The following NCOA2 variants were observed in gnomAD, a reference collection of about 807,000 sequenced individuals.
NCOA2 encodes the protein class E basic helix-loop-helix protein 75.
A neutral mutation model predicts 145.1 loss-of-function variants in NCOA2; 21 were observed. The observed-to-expected ratio is 0.14, with a 90% CI of 0.10 to 0.21. The LOEUF is 0.21. Among genes scored for constraint, NCOA2 ranks in the 10% least tolerant of loss-of-function variants. The pLI is 1.00. For synonymous variants in NCOA2, 619 were observed against 637.5 expected (o/e 0.97, Z 0.44); for missense variants, 1,472 against 1,837.6 (o/e 0.80, Z 3.64).
chr8:70,329,439 T>C (rs1245684180), intron 1 of NCOA2, among the ~76,000 whole-genome samples: 3 of 152,050 alleles, frequency 2.0e-5, no homozygotes, highest in African/African-American at 4.8e-5. Flanking sequence ...TTTGTAGAGA[T>C]GGAGTCTCCC....
At chr8:70,387,201 T>C (rs1408633458) in intron 1 of NCOA2, among the ~76,000 whole-genome samples, 2 of 152,224 alleles carry the variant, frequency 1.3e-5, no homozygotes, top group African/African-American at 4.8e-5. Flanking sequence ...AGTCTTGCTA[T>C]GTTGTCAGGC....
chr8:70,211,842 C>T (rs1819062057), intron 4 of NCOA2, among the ~76,000 whole-genome samples: 1 of 152,030 alleles, frequency 6.6e-6, no homozygotes, highest in Admixed American at 6.5e-5. Context: ...TTACAAAACA[C>T]GTTGCTTTTC....
chr8:70,211,251 G>C (rs961204025), intron 4 of NCOA2, among the ~76,000 whole-genome samples: 2 of 152,144 alleles, frequency 1.3e-5, no homozygotes, highest in South Asian at 4.2e-4. Context: ...ATGAGGTCAG[G>C]AGTTCGAGAC....
intron 5 of NCOA2, among the ~76,000 whole-genome samples, chr8:70,170,822 C>T (rs1435502125): frequency 6.6e-6 from 1 of 152,140 alleles, no homozygotes; most frequent in African/African-American, 2.4e-5. Flanking sequence ...CATAATTTTT[C>T]CCCAGTTTAA....
At position 70,141,129 on chromosome 8, in the gene NCOA2, CTCTTT is replaced by C. The variant is rs1461761897; in HGVS notation, c.3028+50_3028+54del. 3.9e-6 allele frequency: 6 copies of C among 1,519,190 alleles called. No homozygotes were observed. In the Admixed American group the frequency reaches 7.5e-5, roughly 19 times the overall value. 94.1% of individuals were successfully genotyped at this position (1,519,190 alleles called of 1,614,324 possible). A position where few individuals can be genotyped will look rare whatever the true frequency, so the allele number is the denominator to read the frequency against. On this transcript the variant is annotated intron_variant, in intron 14 of 22. Transcript: ENST00000452400. ...ATGTCTTGAAAGAACTTATGACGCT[CTCTTT>C]TCTAAGAGAGCATAAAAGTTAAAAG... is the stretch of plus-strand genomic sequence containing the variant.
intron 2 of NCOA2, among the ~76,000 whole-genome samples, chr8:70,221,942 T>C (rs190695225): frequency 8.6e-4 from 131 of 152,324 alleles, no homozygotes; most frequent in Non-Finnish European, 1.6e-3. Context: ...AAATTATGTA[T>C]TATTTCCTCC....
intron 1 of NCOA2, chr8:70,402,517 G>C (rs944218757): frequency 1.3e-5 from 2 of 152,282 alleles, no homozygotes; most frequent in Non-Finnish European, 2.9e-5. Flanking sequence ...TCTCGGAAGA[G>C]GCGCCTCTGG....
At chr8:70,335,990 T>C (rs1351334402) in intron 1 of NCOA2, among the ~76,000 whole-genome samples, 1 of 152,126 alleles carries the variant, frequency 6.6e-6, no homozygotes, top group Non-Finnish European at 1.5e-5. Context: ...TTTTAAGGTA[T>C]AGAAGATTTT....
rs1806478950 is a variant in NCOA2, at chr8:70,110,901, GTAATA to G, written c.*2726_*2730del. 4.5e-6 allele frequency: 1 copy of G among 220,522 alleles called. No homozygotes were observed. The highest frequency in any genetic ancestry group is 2.2e-5 in the African/African-American group (1 of 44,608). The allele number at this position is 220,522 out of a possible 1,614,324, so 13.7% of individuals were successfully genotyped here. On this transcript the variant is annotated 3_prime_UTR_variant, in exon 23 of 23. Coordinates refer to ENST00000452400, the MANE Select transcript of NCOA2 (RefSeq NM_006540.4). ...TTTCACATTATGTTTTTCACATTTA[GTAATA>G]TAAGTGAAACACTGATTATTTGTTC...
At chr8:70,391,005 T>G (rs1813150618) in intron 1 of NCOA2, among the ~76,000 whole-genome samples, 1 of 152,110 alleles carries the variant, frequency 6.6e-6, no homozygotes, top group Non-Finnish European at 1.5e-5. Flanking sequence ...TCTACCACAC[T>G]TCTAATAAGA....
chr8:70,158,788 A>G (rs1222168763), intron 10 of NCOA2, among the ~76,000 whole-genome samples: 1 of 152,094 alleles, frequency 6.6e-6, no homozygotes, highest in Non-Finnish European at 1.5e-5. Context: ...CAAAAAAACC[A>G]AACAGTTCTA....
At chr8:70,186,938 A>G (rs1816139641) in intron 4 of NCOA2, among the ~76,000 whole-genome samples, 3 of 152,258 alleles carry the variant, frequency 2.0e-5, no homozygotes, top group African/African-American at 7.2e-5. Context: ...GCATTTCATA[A>G]TGACAACAGG....
intron 12 of NCOA2, among the ~76,000 whole-genome samples, chr8:70,147,382 G>A (rs1811218823): frequency 6.6e-6 from 1 of 152,190 alleles, no homozygotes; most frequent in Non-Finnish European, 1.5e-5. Flanking sequence ...GATGTTCTAT[G>A]ATTTGACTGA....
At chr8:70,275,817 A>T (rs1825420980) in intron 2 of NCOA2, among the ~76,000 whole-genome samples, 2 of 152,230 alleles carry the variant, frequency 1.3e-5, no homozygotes, top group African/African-American at 4.8e-5. Flanking sequence ...AATTTTTAAA[A>T]GTGCACTGAA....
chr8:70,399,887 A>G (rs1563848236), intron 1 of NCOA2, among the ~76,000 whole-genome samples: 4 of 152,366 alleles, frequency 2.6e-5, no homozygotes, highest in Middle Eastern at 3.4e-3. Context: ...CTGTCAACTT[A>G]TGGGTCACAT....
chr8:70,188,514 G>C (rs552747316), intron 4 of NCOA2, among the ~76,000 whole-genome samples: 64 of 152,298 alleles, frequency 4.2e-4, no homozygotes, highest in African/African-American at 1.5e-3. Flanking sequence ...AGCACTCTGA[G>C]CTCTACAGAA....
At chr8:70,192,771 AT>A (rs1168894267) in intron 4 of NCOA2, among the ~76,000 whole-genome samples, 1 of 152,192 alleles carries the variant, frequency 6.6e-6, no homozygotes, top group African/African-American at 2.4e-5. Context: ...TTTAACATCA[AT>A]AAAAATGGAG....
intron 4 of NCOA2, 22 bp downstream of exon 4, chr8:70,213,881 A>G (rs746018046): frequency 1.3e-6 from 2 of 1,546,990 alleles, no homozygotes; most frequent in Non-Finnish European, 1.7e-6. Flanking sequence ...AACTCTTCAA[A>G]ATACTAATTC....
At chr8:70,359,510 G>A (rs143296228) in intron 1 of NCOA2, among the ~76,000 whole-genome samples, 7 of 152,240 alleles carry the variant, frequency 4.6e-5, no homozygotes, top group Middle Eastern at 3.4e-3. Context: ...TCCAGAATAG[G>A]TAAATTCATA....
Sources: allele counts gnomAD v4.1 joint callset (sites outside exome capture counted in the v4.1 genomes callset), GRCh38; gene constraint gnomAD v4.1.1; transcripts MANE v1.5; gene names NCBI Gene and HGNC (gene_info 2026-07-23, HGNC 2026-07-21).